SRP68: variants seen among roughly 807,000 people sequenced by gnomAD.
SRP68 encodes signal recognition particle 68.
Under a neutral mutation model 82.2 loss-of-function variants are expected in SRP68, and 15 were observed. The ratio of observed to expected loss-of-function variants is 0.18; its 90% CI spans 0.12 to 0.28. The LOEUF is 0.28. SRP68 is among the 10% of genes least tolerant of loss of function. SRP68 has a pLI of 1.00. For synonymous variants in SRP68, 261 were observed against 292.6 expected, an observed-to-expected ratio of 0.89 and a Z score of 1.10; for missense variants, 595 against 780.5, an observed-to-expected ratio of 0.76 and a Z score of 2.83.
At chr17:76,060,125 C>CAG (rs1555628989) in intron 7 of SRP68, among the ~76,000 whole-genome samples, 183 bp downstream of exon 7, 1 of 28,790 alleles carries the variant, frequency 3.5e-5, no homozygotes, top group East Asian at 1.5e-3. Context: ...GACTCCATCT[C>CAG]AAAAAAAAAA....
At chr17:76,066,914 G>T (rs986531409) in intron 3 of SRP68, among the ~76,000 whole-genome samples, 2 of 152,046 alleles carry the variant, frequency 1.3e-5, no homozygotes, top group Admixed American at 1.3e-4. Context: ...TTTTAGTAAA[G>T]TAGGGGTTTT....
intron 4 of SRP68, among the ~76,000 whole-genome samples, chr17:76,062,756 T>A (rs1319054035): frequency 7.3e-5 from 5 of 68,546 alleles, no homozygotes; most frequent in Non-Finnish European, 1.0e-4. Flanking sequence ...TATATATATA[T>A]ATATATATAA....
At chr17:76,044,082 T>A in intron 12 of SRP68, 124 bp from the exon 13 acceptor site, 1 of 1,064,556 alleles carries the variant, frequency 9.4e-7, no homozygotes, top group Non-Finnish European at 1.3e-6. Context: ...GATCACCGCA[T>A]GGGAGCCCCC....
At chr17:76,062,819 G>A (rs1416567476) in intron 4 of SRP68, among the ~76,000 whole-genome samples, 1 of 128,432 alleles carries the variant, frequency 7.8e-6, no homozygotes, top group Admixed American at 9.3e-5. Context: ...CCCCCAGGCT[G>A]GAGCGCAGTG....
intron 4 of SRP68, 142 bp downstream of exon 4, chr17:76,063,831 TCTC>T (rs962343122): frequency 1.2e-4 from 69 of 567,692 alleles, no homozygotes; most frequent in South Asian, 2.7e-4. Flanking sequence ...CATGCTAACT[TCTC>T]CTCTTAAAAG....
At chr17:76,046,448 T>G (rs1349528635) in intron 10 of SRP68, among the ~76,000 whole-genome samples, 1 of 137,938 alleles carries the variant, frequency 7.2e-6, no homozygotes. Context: ...GCATCCTTTT[T>G]CAAGAACCAC....
At chr17:76,040,756 C>T (rs940581679) in intron 14 of SRP68, 147 bp downstream of exon 14, 1 of 770,182 alleles carries the variant, frequency 1.3e-6, no homozygotes, top group South Asian at 1.7e-5. Flanking sequence ...AATCTGATGC[C>T]CAGCTGGCAC....
rs1160823544 is a variant in SRP68, at chr17:76,043,725, G to C, written c.1524+104C>G. 9 of 1,313,046 alleles carry C rather than the reference G, an allele frequency of 6.9e-6. No individual in the cohort carries two copies. In the Admixed American group the frequency reaches 2.4e-4, roughly 36 times the overall value. 81.3% of individuals were successfully genotyped at this position (1,313,046 alleles called of 1,614,324 possible). ...ACCAGGTCCCACGGGCAGCCAGGGA[G>C]GACCAGCCTGAGGTGGCGCCCAGCT... On this transcript the variant is annotated intron_variant, in intron 13 of 15. Transcript: ENST00000307877.
chr17:76,063,742 T>C (rs2066786831), intron 4 of SRP68, among the ~76,000 whole-genome samples: 1 of 148,626 alleles, frequency 6.7e-6, no homozygotes, highest in Non-Finnish European at 1.5e-5. Flanking sequence ...AGCTTGGGAA[T>C]ACTCATTCTA....
chr17:76,072,499 C>A lies in SRP68; in HGVS notation c.-8G>T, dbSNP rs752065759. 34 of 1,582,186 alleles carry A rather than the reference C, an allele frequency of 2.1e-5. No individual in the cohort carries two copies. Among genetic ancestry groups the A allele is most frequent in the Non-Finnish European group, 2.7e-5 (32 of 1,172,952 alleles). Reference sequence around the variant, plus strand: ...CTGCTTCTCAGCAGCCATCTTGCCCCTGCGCCGCAGAGCAAGACGGGATAG... The same window carrying A: ...CTGCTTCTCAGCAGCCATCTTGCCCATGCGCCGCAGAGCAAGACGGGATAG... On this transcript the variant is annotated 5_prime_UTR_variant, in exon 1 of 16. In the 5' UTR this introduces an upstream ATG that the reference lacks. Transcript: ENST00000307877. The surrounding 1 kb of genome is among the most constrained non-coding windows in gnomAD (Gnocchi z 4.5).
intron 7 of SRP68, among the ~76,000 whole-genome samples, chr17:76,058,536 G>A (rs1398773778): frequency 1.3e-5 from 2 of 152,140 alleles, no homozygotes; most frequent in African/African-American, 4.8e-5. Context: ...CAGGATTACA[G>A]GTGTGAACCA....
In SRP68 at chr17:76,046,122, A is replaced by T. The variant is rs563823586; in HGVS notation, c.1215T>A (p.Ala405=). ...NENMAKGLQR[A]LLQQQPEDDS... is the part of the protein sequence containing the mutation. ...CATCCTCTGGCTGCTGCTGCAGCAG[A>T]GCCCTCTGCAGACCTTTGGCCATGT... Residue 405 remains alanine, a synonymous_variant, in exon 11 of 16, where the codon GCT becomes GCA. Coordinates refer to ENST00000307877, the MANE Select transcript of SRP68 (RefSeq NM_014230.4). 1 of 1,613,922 alleles carries T rather than the reference A, an allele frequency of 6.2e-7. No individual in the cohort carries two copies. Among genetic ancestry groups the T allele is most frequent in the African/African-American group, 1.3e-5 (1 of 75,006 alleles).
chr17:76,068,322 G>A (rs1285307911), intron 2 of SRP68, among the ~76,000 whole-genome samples: 6 of 151,702 alleles, frequency 4.0e-5, no homozygotes, highest in East Asian at 1.9e-4. Flanking sequence ...CAGGCATGGC[G>A]GGCGGGCGCC....
Position 76,045,359 on chromosome 17 carries a change from C to T in SRP68, c.1327G>A (p.Gly443Ser), listed in dbSNP as rs1341229876. The stretch of plus-strand genomic sequence containing the variant: ...TGGAAGGCTTTGTCTTCCTCTAAAC[C>T]AGGAAGCTGGAGCAATTCCACCAGA... ...QNLVELLQLP[G>S]LEEDKAFQKE... The change falls in exon 12 of 16, where the codon GGT becomes AGT. Residue 443 changes from glycine to serine, a missense_variant. Transcript: ENST00000307877. The T allele has an allele frequency of 4.6e-5, 75 of 1,613,414 alleles. No homozygotes were observed. The highest frequency in any genetic ancestry group is 6.3e-5 in the Non-Finnish European group (74 of 1,179,574).
chr17:76,040,604 C>T lies in SRP68; in HGVS notation c.1601-130G>A. ...GAGCCAGCATGTGGGGAAGCCAGGC[C>T]TGTCTCCTGCTGAGAAGTGGTGGAG... On this transcript the variant is annotated intron_variant, in intron 14 of 15. Coordinates refer to ENST00000307877, the MANE Select transcript of SRP68 (RefSeq NM_014230.4). 10 of 868,656 alleles carry T rather than the reference C, an allele frequency of 1.2e-5. 1 individual carries two copies. In the South Asian group the frequency reaches 1.4e-4, roughly 13 times the overall value. 53.8% of individuals were successfully genotyped at this position (868,656 alleles called of 1,614,324 possible).
At chr17:76,059,851 C>T (rs1234441174) in intron 7 of SRP68, among the ~76,000 whole-genome samples, 3 of 147,226 alleles carry the variant, frequency 2.0e-5, no homozygotes, top group African/African-American at 5.0e-5. Context: ...TTGGGCCGGG[C>T]GCGGTGGCTC....
chr17:76,061,772 C>A (rs1043014395), intron 4 of SRP68, 198 bp from the exon 5 acceptor site: 1 of 390,076 alleles, frequency 2.6e-6, no homozygotes, highest in Non-Finnish European at 4.7e-6. Flanking sequence ...CAAGCCAGGG[C>A]AATATAGCAA....
intron 10 of SRP68, among the ~76,000 whole-genome samples, chr17:76,046,872 C>T (rs2066636232): frequency 6.6e-6 from 1 of 151,728 alleles, no homozygotes; most frequent in Non-Finnish European, 1.5e-5. Flanking sequence ...ACCTGGGAGG[C>T]GGAGCTTGCA....
intron 10 of SRP68, among the ~76,000 whole-genome samples, chr17:76,046,478 A>AC (rs1555627847): frequency 1.2e-4 from 15 of 120,366 alleles, no homozygotes; most frequent in South Asian, 2.3e-4. Context: ...AAAAAAAAAA[A>AC]AAAAAACAAA....
Sources: gnomAD v4.1 joint callset for allele counts (sites outside exome capture counted in the v4.1 genomes callset) on GRCh38, gnomAD v4.1.1 for gene constraint, Gnocchi (gnomAD v3.1) non-coding constraint, MANE v1.5 for transcripts, NCBI Gene and HGNC (gene_info 2026-07-23, HGNC 2026-07-21) for gene names.